Variants in DLGAP4 observed in about 807,000 individuals in gnomAD.
DLGAP4 encodes the protein DLG associated protein 4.
DLGAP4 carries 18 observed loss-of-function variants against 86.9 expected under a neutral mutation model. The observed-to-expected ratio is 0.21, with a 90% CI of 0.14 to 0.31. The LOEUF is 0.31. Among genes scored for constraint, DLGAP4 ranks in the 10% least tolerant of loss-of-function variants. The probability of loss-of-function intolerance (pLI) is 1.00; values close to 1 mark genes in which losing one functional copy is unlikely to be tolerated. For missense variants in DLGAP4, 1,085 were observed against 1,362.6 expected (o/e 0.80, Z 3.21); for synonymous variants, 548 against 574.3 (o/e 0.95, Z 0.65).
chr20:36,488,514 G>A (rs1271111382), intron 7 of DLGAP4, among the ~76,000 whole-genome samples: 3 of 152,100 alleles, frequency 2.0e-5, no homozygotes, highest in Non-Finnish European at 4.4e-5. Context: ...CAAGCCTGTG[G>A]TCATAATGTT....
intron 2 of DLGAP4, among the ~76,000 whole-genome samples, chr20:36,369,459 G>A (rs948217458): frequency 2.0e-5 from 3 of 152,172 alleles, no homozygotes; most frequent in Non-Finnish European, 4.4e-5. Context: ...CAGGTGTGGT[G>A]GCAGGCGCTT....
intron 2 of DLGAP4, among the ~76,000 whole-genome samples, chr20:36,390,592 C>T (rs890902053): frequency 2.0e-5 from 3 of 152,136 alleles, no homozygotes; most frequent in Non-Finnish European, 4.4e-5. Context: ...CTCCACTGTA[C>T]CCCCCTCTAG....
chr20:36,406,442 G>GA (rs1428689931), intron 2 of DLGAP4, among the ~76,000 whole-genome samples: 2 of 151,510 alleles, frequency 1.3e-5, no homozygotes, highest in East Asian at 3.9e-4. Context: ...CATGCTGGCT[G>GA]AGTCACCTCT....
Position 36,432,847 on chromosome 20 carries a change from G to T in DLGAP4, c.999+131G>T. 3.3e-6 allele frequency: 4 copies of T among 1,222,854 alleles called. No individual in the cohort carries two copies. The highest frequency in any genetic ancestry group is 1.5e-5 in the African/African-American group (1 of 66,070). The allele number at this position is 1,222,854 out of a possible 1,614,324, so 75.8% of individuals were successfully genotyped here. A position where few individuals can be genotyped will look rare whatever the true frequency, so the allele number is the denominator to read the frequency against. ...GCCTCTGTGGCTCAGCTATAAAATG[G>T]GTGGCCTAGTGGTACCTGCTAATCA... On this transcript the variant is annotated intron_variant, in intron 3 of 12. Coordinates refer to ENST00000339266, the MANE Select transcript of DLGAP4 (RefSeq NM_001365621.2). This position sits in a 1 kb window ranked among gnomAD's most constrained non-coding sequence, Gnocchi z 6.5.
chr20:36,372,398 G>A (rs912208095), intron 2 of DLGAP4, among the ~76,000 whole-genome samples: 73 of 152,094 alleles, frequency 4.8e-4, no homozygotes, highest in African/African-American at 1.7e-3. Context: ...TGGACCTCAG[G>A]TCAGCACCAA....
Position 36,501,596 on chromosome 20 carries a change from G to A in DLGAP4, c.2512+985G>A, listed in dbSNP as rs141766514. On this transcript the variant is annotated intron_variant, in intron 10 of 12. Transcript: ENST00000339266. ...TTGGGTGGTGGAAGGCAGGTCCTGG[G>A]AAGCTCCAGGCTGTTGACCTGCACC... Among the ~76,000 whole-genome samples the A allele has an allele frequency of 2.7e-3, 407 of 152,288 alleles. 2 individuals carry two copies. Among genetic ancestry groups the A allele is most frequent in the Non-Finnish European group, 3.5e-3 (241 of 68,014 alleles).
chr20:36,490,980 G>A (rs1393694101), intron 7 of DLGAP4, among the ~76,000 whole-genome samples: 1 of 151,072 alleles, frequency 6.6e-6, no homozygotes, highest in Non-Finnish European at 1.5e-5. Context: ...GGATCACGAG[G>A]TCAAGAGTTC....
chr20:36,312,308 A>G (rs985972343), intron 1 of DLGAP4, among the ~76,000 whole-genome samples: 7 of 152,194 alleles, frequency 4.6e-5, no homozygotes, highest in Admixed American at 6.5e-5. Context: ...GGGACCGTTC[A>G]TGGAAAAGGT....
At chr20:36,396,376 C>CA (rs1600478572) in intron 2 of DLGAP4, among the ~76,000 whole-genome samples, 2 of 111,794 alleles carry the variant, frequency 1.8e-5, no homozygotes, top group East Asian at 2.7e-4. Context: ...ATACACACAC[C>CA]CCACATACAC....
intron 1 of DLGAP4, among the ~76,000 whole-genome samples, chr20:36,324,117 G>C (rs1318927411): frequency 6.6e-6 from 1 of 152,160 alleles, no homozygotes; most frequent in East Asian, 1.9e-4. Flanking sequence ...ATTTATGCCT[G>C]TGTTTTCTTC....
chr20:36,322,554 G>A (rs1555890631), intron 1 of DLGAP4, among the ~76,000 whole-genome samples: 2 of 152,194 alleles, frequency 1.3e-5, no homozygotes, highest in African/African-American at 2.4e-5. Context: ...TGAGGATGAA[G>A]TGAGGTAATA....
At chr20:36,367,430 T>C (rs1360803845) in intron 2 of DLGAP4, among the ~76,000 whole-genome samples, 155 bp downstream of exon 2, 1 of 152,212 alleles carries the variant, frequency 6.6e-6, no homozygotes, top group Non-Finnish European at 1.5e-5. Flanking sequence ...TATAGTTCAA[T>C]GGCCTGTCTT....
intron 7 of DLGAP4, chr20:36,461,491 G>A (rs2034043894): frequency 1.0e-6 from 1 of 981,856 alleles, no homozygotes; most frequent in Non-Finnish European, 1.2e-6. Context: ...GCCTCGGGCC[G>A]GGCTGCGTGA....
intron 2 of DLGAP4, among the ~76,000 whole-genome samples, chr20:36,424,939 T>C (rs1286919044): frequency 2.6e-5 from 4 of 152,120 alleles, no homozygotes; most frequent in Non-Finnish European, 1.5e-5. Flanking sequence ...TTTCGCCATA[T>C]TGGGCAGGGT....
chr20:36,432,372 C>A lies in DLGAP4; in HGVS notation c.655C>A (p.Arg219Ser), dbSNP rs956282723. 1 of 1,613,598 alleles carries A rather than the reference C, an allele frequency of 6.2e-7. No homozygotes were observed. Among genetic ancestry groups the A allele is most frequent in the Non-Finnish European group, 8.5e-7 (1 of 1,180,030 alleles). The part of the protein sequence containing the change: ...DNLDGEAGAF[R>S]SSGPASGLMT... The stretch of plus-strand genomic sequence containing the variant: ...CTTGGACGGCGAGGCCGGCGCCTTC[C>A]GCAGCAGTGGCCCAGCCTCTGGGCT... Residue 219 changes from arginine (R) to serine (S), a missense_variant, in exon 3 of 13, where the codon CGC (arginine) becomes AGC (serine). Physicochemically the swap from Arg to Ser is moderately radical, Grantham distance 110. Coordinates refer to ENST00000339266, the MANE Select transcript of DLGAP4 (RefSeq NM_001365621.2). This position sits in a 1 kb window ranked among gnomAD's most constrained non-coding sequence, Gnocchi z 6.5.
At chr20:36,403,421 C>T (rs1454228493) in intron 2 of DLGAP4, among the ~76,000 whole-genome samples, 5 of 152,244 alleles carry the variant, frequency 3.3e-5, no homozygotes, top group African/African-American at 1.2e-4. Context: ...TTAGAGAGGA[C>T]GAACAGTCAG....
chr20:36,447,026 G>A lies in DLGAP4; in HGVS notation c.1648+89G>A. On this transcript the variant is annotated intron_variant, in intron 7 of 12. Coordinates refer to ENST00000339266, the MANE Select transcript of DLGAP4 (RefSeq NM_001365621.2). ...GGAGGGCCAGCCTGGGAGGATACAG[G>A]GAGGAATCTGTCTCAGGCTGGCCCG... 3.3e-6 allele frequency: 5 copies of A among 1,504,574 alleles called. 1 individual carries two copies. The Admixed American group carries it at 6.7e-5, about 20-fold the overall frequency. The allele number at this position is 1,504,574 out of a possible 1,614,324, so 93.2% of individuals were successfully genotyped here. A position where few individuals can be genotyped will look rare whatever the true frequency, so the allele number is the denominator to read the frequency against.
At chr20:36,505,658 T>G (rs898131634) in intron 10 of DLGAP4, among the ~76,000 whole-genome samples, 2 of 152,012 alleles carry the variant, frequency 1.3e-5, no homozygotes, top group African/African-American at 4.8e-5. Flanking sequence ...TGCCTGTCAT[T>G]CCAGCTATTC....
At chr20:36,477,374 C>A (rs2034994983) in intron 7 of DLGAP4, among the ~76,000 whole-genome samples, 1 of 152,242 alleles carries the variant, frequency 6.6e-6, no homozygotes, top group African/African-American at 2.4e-5. Flanking sequence ...GGATTACAGG[C>A]ATGAGCCACC....
Sources: gnomAD v4.1 joint callset for allele counts (sites outside exome capture counted in the v4.1 genomes callset) on GRCh38, gnomAD v4.1.1 for gene constraint, Gnocchi (gnomAD v3.1) non-coding constraint, MANE v1.5 for transcripts, NCBI Gene and HGNC (gene_info 2026-07-23, HGNC 2026-07-21) for gene names.